LRMDA: variants seen among roughly 807,000 people sequenced by gnomAD.
LRMDA encodes leucine rich melanocyte differentiation associated, also known as leucine-rich melanocyte differentiation-associated protein.
LRMDA carries 18 observed loss-of-function variants against 29.8 expected under a neutral mutation model. That is an observed-to-expected ratio of 0.60 (90% CI 0.42 to 0.90). LRMDA has a LOEUF of 0.90. LRMDA is among the 40% of genes least tolerant of loss of function. The pLI is 0.00. For missense variants in LRMDA, 273 were observed against 273.9 expected (o/e 1.00, Z 0.02); for synonymous variants, 125 against 109.4 (o/e 1.14, Z -0.89).
chr10:75,545,018 G>A lies in LRMDA; in HGVS notation c.131+106524G>A, dbSNP rs536637102. ...CTTTATTATTTTTCCTGTGTTTTCA[G>A]TATGTTTTGTTTCAGAGAAGCGGTT... is the stretch of plus-strand genomic sequence containing the variant. On this transcript the variant is annotated intron_variant, in intron 2 of 6. Coordinates refer to ENST00000611255, the MANE Select transcript of LRMDA (RefSeq NM_001305581.2). 2.6e-5 allele frequency among the ~76,000 whole-genome samples: 4 copies of A among 152,184 alleles called. No individual in the cohort carries two copies. In the South Asian group the frequency reaches 6.2e-4, roughly 24 times the overall value.
chr10:76,404,593 A>G (rs924089194), intron 6 of LRMDA, among the ~76,000 whole-genome samples: 15 of 152,212 alleles, frequency 9.9e-5, no homozygotes, highest in African/African-American at 3.6e-4. Context: ...TTCCCTGCTC[A>G]GTCTGTTCCC....
At chr10:76,037,370 C>G (rs1450382125) in intron 3 of LRMDA, among the ~76,000 whole-genome samples, 1 of 152,206 alleles carries the variant, frequency 6.6e-6, no homozygotes, top group African/African-American at 2.4e-5. Context: ...GCATTTTCCT[C>G]TAGAGTATAA....
At chr10:76,089,532 C>A (rs891997640) in intron 5 of LRMDA, among the ~76,000 whole-genome samples, 1 of 152,108 alleles carries the variant, frequency 6.6e-6, no homozygotes, top group African/African-American at 2.4e-5. Flanking sequence ...CTCTGTCTGG[C>A]GTTGGACATA....
chr10:76,072,400 T>A (rs1848889489), intron 5 of LRMDA, among the ~76,000 whole-genome samples: 1 of 152,142 alleles, frequency 6.6e-6, no homozygotes, highest in Non-Finnish European at 1.5e-5. Flanking sequence ...TGCTGATAGA[T>A]AAGAAACATC....
chr10:76,175,329 G>T (rs1243397119), intron 5 of LRMDA, among the ~76,000 whole-genome samples: 2 of 152,182 alleles, frequency 1.3e-5, no homozygotes, highest in Admixed American at 1.3e-4. Flanking sequence ...ACCTTGCCTA[G>T]TTTCCTAGTC....
At chr10:76,540,166 G>A (rs78137206) in intron 6 of LRMDA, among the ~76,000 whole-genome samples, 2,644 of 59,696 alleles carry the variant, frequency 0.044, 86 homozygotes, top group African/African-American at 0.19. Flanking sequence ...ACACATGCAC[G>A]CAAAACATGC....
chr10:75,936,145 A>G (rs1411248558), intron 2 of LRMDA, among the ~76,000 whole-genome samples: 1 of 152,212 alleles, frequency 6.6e-6, no homozygotes, highest in South Asian at 2.1e-4. Context: ...ATTGAGTCCT[A>G]CATTTCTGCA....
chr10:76,130,512 G>A (rs138006935), intron 5 of LRMDA, among the ~76,000 whole-genome samples: 10 of 152,252 alleles, frequency 6.6e-5, no homozygotes, highest in Non-Finnish European at 1.3e-4. Context: ...AAACTTCTTC[G>A]GTCAGAAGCT....
At chr10:75,674,690 G>A (rs1027958344) in intron 2 of LRMDA, among the ~76,000 whole-genome samples, 9 of 152,138 alleles carry the variant, frequency 5.9e-5, no homozygotes, top group Non-Finnish European at 1.0e-4. Flanking sequence ...TCTGATAAGC[G>A]AGCAGGGAGT....
chr10:75,754,942 T>C (rs1843013107), intron 2 of LRMDA, among the ~76,000 whole-genome samples: 1 of 152,210 alleles, frequency 6.6e-6, no homozygotes, highest in East Asian at 1.9e-4. Flanking sequence ...AAAACAGTCT[T>C]GTGTATCTAT....
intron 2 of LRMDA, among the ~76,000 whole-genome samples, chr10:75,792,017 G>A (rs1012079610): frequency 6.6e-5 from 10 of 151,746 alleles, no homozygotes; most frequent in South Asian, 4.2e-4. Context: ...CCGCCACCAC[G>A]CCCGGCTAAT....
At chr10:76,077,379 G>A (rs1223661425) in intron 5 of LRMDA, among the ~76,000 whole-genome samples, 1 of 152,186 alleles carries the variant, frequency 6.6e-6, no homozygotes, top group African/African-American at 2.4e-5. Flanking sequence ...TCAAGCTATA[G>A]GAAAATGACA....
Position 76,463,917 on chromosome 10 carries a change from A to ATTTTTTTTTTTTT in LRMDA, c.602-93287_602-93275dup, listed in dbSNP as rs763472626. Among the ~76,000 whole-genome samples the ATTTTTTTTTTTTT allele has an allele frequency of 6.1e-3, 691 of 112,800 alleles. 26 individuals are homozygous for ATTTTTTTTTTTTT. Among genetic ancestry groups the ATTTTTTTTTTTTT allele is most frequent in the Non-Finnish European group, 8.4e-3 (470 of 55,964 alleles). The allele number at this position is 112,800 out of a possible 152,430, so 74.0% of individuals were successfully genotyped here. A position where few individuals can be genotyped will look rare whatever the true frequency, so the allele number is the denominator to read the frequency against. On this transcript the variant is annotated intron_variant, in intron 6 of 6. Transcript: ENST00000611255. ...CTGGCACACAGTAGGTGCAAAATAA[A>ATTTTTTTTTTTTT]TTTTTTTTTTTTTTTTTGTGAGATG...
chr10:75,958,319 T>C (rs1366325081), intron 2 of LRMDA, among the ~76,000 whole-genome samples: 1 of 152,364 alleles, frequency 6.6e-6, no homozygotes, highest in East Asian at 1.9e-4. Flanking sequence ...ACTAGGTATA[T>C]AATTCTTAAC....
intron 5 of LRMDA, among the ~76,000 whole-genome samples, chr10:76,158,108 T>C (rs1850574239): frequency 1.3e-5 from 2 of 152,214 alleles, no homozygotes; most frequent in African/African-American, 4.8e-5. Flanking sequence ...AAATATGTTT[T>C]CCTTTTCTAT....
chr10:76,182,063 A>G (rs1167487777), intron 5 of LRMDA, among the ~76,000 whole-genome samples: 1 of 152,170 alleles, frequency 6.6e-6, no homozygotes, highest in African/African-American at 2.4e-5. Context: ...TGTAGTTCTG[A>G]GAAGTATATT....
intron 2 of LRMDA, among the ~76,000 whole-genome samples, chr10:75,660,025 C>T (rs1564533267): frequency 6.6e-6 from 1 of 152,054 alleles, no homozygotes; most frequent in Non-Finnish European, 1.5e-5. Flanking sequence ...CTTTCTCTCC[C>T]CATCCCCATA....
intron 5 of LRMDA, among the ~76,000 whole-genome samples, chr10:76,299,186 T>C (rs934845448): frequency 6.6e-6 from 1 of 151,122 alleles, no homozygotes; most frequent in African/African-American, 2.4e-5. Context: ...TGTGTGTGTG[T>C]GTGCATGCAC....
At chr10:75,545,921 A>T (rs1026857477) in intron 2 of LRMDA, among the ~76,000 whole-genome samples, 14 of 152,190 alleles carry the variant, frequency 9.2e-5, no homozygotes, top group Admixed American at 7.9e-4. Context: ...AGAGTTAAGT[A>T]GGATTATAGT....
Sources: gnomAD v4.1 joint callset for allele counts (sites outside exome capture counted in the v4.1 genomes callset) on GRCh38, gnomAD v4.1.1 for gene constraint, MANE v1.5 for transcripts, NCBI Gene and HGNC (gene_info 2026-07-23, HGNC 2026-07-21) for gene names.